PRMT8: variants seen among roughly 807,000 people sequenced by gnomAD.
PRMT8 encodes the protein protein arginine N-methyltransferase 8.
PRMT8 carries 7 observed loss-of-function variants against 47.1 expected under a neutral mutation model. The observed-to-expected ratio is 0.15, with a 90% CI of 0.08 to 0.28. The LOEUF (loss-of-function observed/expected upper bound fraction) is 0.28, where lower values mean the gene tolerates loss of function less well. Ranked by LOEUF, PRMT8 falls within the 10% of genes least tolerant of loss-of-function variation. The probability of loss-of-function intolerance (pLI) is 1.00; values close to 1 mark genes in which losing one functional copy is unlikely to be tolerated. For missense variants in PRMT8, 237 were observed against 505.4 expected (o/e 0.47, Z 5.09); for synonymous variants, 188 against 186.5 (o/e 1.01, Z -0.07).
At chr12:3,485,872 T>G (rs1865317837) in intron 1 of PRMT8, among the ~76,000 whole-genome samples, 1 of 152,104 alleles carries the variant, frequency 6.6e-6, no homozygotes, top group South Asian at 2.1e-4. Flanking sequence ...AAGTTTAAAT[T>G]AAAATAAAAT....
intron 1 of PRMT8, among the ~76,000 whole-genome samples, chr12:3,518,184 C>T (rs117529852): frequency 2.1e-3 from 325 of 152,244 alleles, no homozygotes; most frequent in Non-Finnish European, 3.6e-3. Flanking sequence ...GAAGAGGAAT[C>T]TGGGGGTCAA....
Position 3,572,464 on chromosome 12 carries a change from G to C in PRMT8, c.712+2900G>C, listed in dbSNP as rs1177991504. On this transcript the variant is annotated intron_variant, in intron 6 of 9. Transcript: ENST00000382622. The surrounding 1 kb of genome is among the most constrained non-coding windows in gnomAD (Gnocchi z 5.9). ...AATCTACACCCTGCTGAGAATGAGA[G>C]AGATGGGCACCAGTTTCTTGGCTGA... 1.3e-5 allele frequency among the ~76,000 whole-genome samples: 2 copies of C among 152,192 alleles called. No individual in the cohort carries two copies. The highest frequency in any genetic ancestry group is 4.8e-5 in the African/African-American group (2 of 41,446).
intron 1 of PRMT8, among the ~76,000 whole-genome samples, chr12:3,485,932 G>T (rs1332736354): frequency 6.6e-6 from 1 of 152,182 alleles, no homozygotes; most frequent in African/African-American, 2.4e-5. Context: ...GAAAGGAAAA[G>T]GTGGACTCAA....
chr12:3,582,863 G>A (rs1393531352), intron 7 of PRMT8, among the ~76,000 whole-genome samples, 195 bp from the exon 8 acceptor site: 1 of 152,078 alleles, frequency 6.6e-6, no homozygotes, highest in Non-Finnish European at 1.5e-5. Context: ...ACCATTGCTT[G>A]AGCACACTCC....
At chr12:3,408,761 G>A (rs895834483) in intron 1 of PRMT8, among the ~76,000 whole-genome samples, 5 of 152,090 alleles carry the variant, frequency 3.3e-5, no homozygotes, top group South Asian at 2.1e-4. Context: ...TTCAGGTGCC[G>A]GTTGGGCAGG....
At chr12:3,462,038 C>T (rs1865047919) in intron 1 of PRMT8, among the ~76,000 whole-genome samples, 1 of 152,030 alleles carries the variant, frequency 6.6e-6, no homozygotes, top group Admixed American at 6.5e-5. Context: ...TCCTCTCCCT[C>T]CTCCCAACCT....
chr12:3,436,192 G>C lies in PRMT8; in HGVS notation c.48+54750G>C, dbSNP rs1484134476. Among the ~76,000 whole-genome samples, 3 of 152,194 alleles carry C rather than the reference G, an allele frequency of 2.0e-5. No homozygotes were observed. Among genetic ancestry groups the C allele is most frequent in the Non-Finnish European group, 4.4e-5 (3 of 68,034 alleles). ...CGTCCCCTCCCGTTTGTGACCTTGTGAGGATGGTTAGGATCCAATCACACA... is the reference window on the plus strand; with the variant it reads ...CGTCCCCTCCCGTTTGTGACCTTGTCAGGATGGTTAGGATCCAATCACACA... On this transcript the variant is annotated intron_variant, in intron 1 of 9. Transcript: ENST00000452611. This position sits in a 1 kb window ranked among gnomAD's most constrained non-coding sequence, Gnocchi z 4.2.
intron 1 of PRMT8, among the ~76,000 whole-genome samples, chr12:3,411,887 G>A (rs1864434709): frequency 6.6e-6 from 1 of 152,188 alleles, no homozygotes; most frequent in African/African-American, 2.4e-5. Context: ...CTTTATGAAT[G>A]ACCCGGTCTC....
intron 2 of PRMT8, among the ~76,000 whole-genome samples, chr12:3,549,113 A>T (rs1366243100): frequency 2.0e-5 from 3 of 152,182 alleles, no homozygotes; most frequent in Admixed American, 2.0e-4. Context: ...TCATCTTGGG[A>T]GAGGCTGAAG....
At chr12:3,385,486 G>A (rs1474095704) in intron 1 of PRMT8, among the ~76,000 whole-genome samples, 1 of 152,204 alleles carries the variant, frequency 6.6e-6, no homozygotes, top group African/African-American at 2.4e-5. Flanking sequence ...ATTTACTCCA[G>A]TTATGTATGG....
Position 3,538,293 on chromosome 12 carries a change from G to A in PRMT8, c.76-2313G>A, listed in dbSNP as rs1162054841. On this transcript the variant is annotated intron_variant, in intron 1 of 9. Coordinates refer to ENST00000382622, the MANE Select transcript of PRMT8 (RefSeq NM_019854.5). The surrounding 1 kb of genome is among the most constrained non-coding windows in gnomAD (Gnocchi z 4.6). ...AAACCTTATTCCAGCATCTATCAGAGACAATAAGGGTCTTAGAATCTAGAA... is the reference window on the plus strand; with the variant it reads ...AAACCTTATTCCAGCATCTATCAGAAACAATAAGGGTCTTAGAATCTAGAA... The A allele has an allele frequency of 5.4e-6, 1 of 184,344 alleles. No homozygotes were observed. Among genetic ancestry groups the A allele is most frequent in the African/African-American group, 2.3e-5 (1 of 42,748 alleles). The allele number at this position is 184,344 out of a possible 1,614,324, so 11.4% of individuals were successfully genotyped here. A position where few individuals can be genotyped will look rare whatever the true frequency, so the allele number is the denominator to read the frequency against.
chr12:3,448,471 G>A (rs1302309235), intron 1 of PRMT8, among the ~76,000 whole-genome samples: 1 of 152,172 alleles, frequency 6.6e-6, no homozygotes, highest in South Asian at 2.1e-4. Context: ...AAAATTTAGT[G>A]AGAAGAATGG....
At chr12:3,539,213 TC>T (rs1405614792) in intron 1 of PRMT8, among the ~76,000 whole-genome samples, 1 of 152,218 alleles carries the variant, frequency 6.6e-6, no homozygotes, top group Non-Finnish European at 1.5e-5. Flanking sequence ...CTAAAGTCTT[TC>T]CATATATCAA....
At chr12:3,434,027 A>G (rs900618841) in intron 1 of PRMT8, among the ~76,000 whole-genome samples, 3 of 152,214 alleles carry the variant, frequency 2.0e-5, no homozygotes, top group African/African-American at 7.2e-5. Flanking sequence ...GTGAAAAAAC[A>G]TTTGAGTGGG....
chr12:3,536,489 CT>C (rs1866119722), intron 1 of PRMT8, among the ~76,000 whole-genome samples: 3 of 152,208 alleles, frequency 2.0e-5, no homozygotes, highest in Admixed American at 2.0e-4. Context: ...TGAATGACAG[CT>C]TATGGGTGCT....
At chr12:3,448,137 C>T (rs1864877063) in intron 1 of PRMT8, among the ~76,000 whole-genome samples, 1 of 152,220 alleles carries the variant, frequency 6.6e-6, no homozygotes. Context: ...GCTAGGACTA[C>T]AGGCATGTGG....
At chr12:3,400,885 G>A (rs1217221852) in intron 1 of PRMT8, among the ~76,000 whole-genome samples, 2 of 152,020 alleles carry the variant, frequency 1.3e-5, no homozygotes, top group Non-Finnish European at 2.9e-5. Context: ...GGTGGCTCAC[G>A]CCTGTAATCC....
In PRMT8 at chr12:3,569,668, T is replaced by C. The variant is rs556821258; in HGVS notation, c.712+104T>C. 1.9e-4 allele frequency: 173 copies of C among 924,976 alleles called. 3 individuals carry two copies. The East Asian group carries it at 4.0e-3, about 21-fold the overall frequency. The allele number at this position is 924,976 out of a possible 1,614,324, so 57.3% of individuals were successfully genotyped here. On this transcript the variant is annotated intron_variant, in intron 6 of 9. Coordinates refer to ENST00000382622, the MANE Select transcript of PRMT8 (RefSeq NM_019854.5). The surrounding 1 kb of genome is among the most constrained non-coding windows in gnomAD (Gnocchi z 8.2). Reference sequence around the variant, plus strand: ...CAGGCAGTGACATGAACACCATTGCTGTCCCTGAAGAGGAGCTTATCTGGG... The same window carrying C: ...CAGGCAGTGACATGAACACCATTGCCGTCCCTGAAGAGGAGCTTATCTGGG...
intron 1 of PRMT8, among the ~76,000 whole-genome samples, chr12:3,476,064 C>G (rs909807638): frequency 6.6e-6 from 1 of 152,188 alleles, no homozygotes; most frequent in Non-Finnish European, 1.5e-5. Flanking sequence ...ATTTGAGTAA[C>G]AGGTCCTAAG....
Sources: allele counts gnomAD v4.1 joint callset (sites outside exome capture counted in the v4.1 genomes callset), GRCh38; gene constraint gnomAD v4.1.1; non-coding constraint Gnocchi (gnomAD v3.1); transcripts MANE v1.5; gene names NCBI Gene and HGNC (gene_info 2026-07-23, HGNC 2026-07-21).